CSGALNACT1: variants seen among roughly 807,000 people sequenced by gnomAD.
CSGALNACT1 encodes the protein chondroitin sulfate N-acetylgalactosaminyltransferase 1, also known as beta4GalNAcT-1.
A neutral mutation model predicts 51.0 loss-of-function variants in CSGALNACT1; 52 were observed. The ratio of observed to expected loss-of-function variants is 1.02; its 90% CI spans 0.82 to 1.29. CSGALNACT1 has a LOEUF of 1.29. Ranked by LOEUF, CSGALNACT1 falls within the 50% of genes most tolerant of loss-of-function variation. The probability of loss-of-function intolerance (pLI) is 0.00; values close to 1 mark genes in which losing one functional copy is unlikely to be tolerated. For missense variants in CSGALNACT1, 935 were observed against 679.2 expected, an observed-to-expected ratio of 1.38 and a Z score of -4.19; for synonymous variants, 341 against 254.4, an observed-to-expected ratio of 1.34 and a Z score of -3.24.
chr8:19,457,843 C>G (rs1187116188), intron 5 of CSGALNACT1: 1 of 1,339,948 alleles, frequency 7.5e-7, no homozygotes, highest in Admixed American at 1.9e-5. Context: ...AGCTTAGTCT[C>G]ATTGAGTAGC....
intron 4 of CSGALNACT1, among the ~76,000 whole-genome samples, chr8:19,471,347 G>T (rs1242012459): frequency 6.6e-6 from 1 of 152,114 alleles, no homozygotes; most frequent in Non-Finnish European, 1.5e-5. Flanking sequence ...CAAGTTTAAA[G>T]GTCTCCCTCC....
chr8:19,416,654 C>T (rs2056940815), intron 8 of CSGALNACT1, among the ~76,000 whole-genome samples: 2 of 152,158 alleles, frequency 1.3e-5, no homozygotes, highest in South Asian at 4.1e-4. Flanking sequence ...CATCGTGCTT[C>T]AATTGCCTGT....
exon 1 of CSGALNACT1, chr8:19,682,546 C>T: frequency 2.3e-6 from 1 of 433,940 alleles, no homozygotes; most frequent in Non-Finnish European, 4.7e-6. Flanking sequence ...CCGGTCTTTG[C>T]TGTCAGTACT....
At chr8:19,618,299 A>G (rs527908178) in intron 1 of CSGALNACT1, among the ~76,000 whole-genome samples, 7 of 152,278 alleles carry the variant, frequency 4.6e-5, no homozygotes, top group Middle Eastern at 3.4e-3. Context: ...TATGACACAG[A>G]GGACTATGTA....
chr8:19,551,176 T>C (rs190288135), intron 3 of CSGALNACT1, among the ~76,000 whole-genome samples: 4 of 152,230 alleles, frequency 2.6e-5, no homozygotes, highest in Non-Finnish European at 5.9e-5. Context: ...ACAATTCCCT[T>C]ATTTACAACA....
At chr8:19,581,939 A>T (rs2045670488) in intron 3 of CSGALNACT1, among the ~76,000 whole-genome samples, 1 of 152,352 alleles carries the variant, frequency 6.6e-6, no homozygotes, top group East Asian at 1.9e-4. Flanking sequence ...AAAATTATTC[A>T]TCTTAGTTAA....
chr8:19,508,077 C>T (rs2077717504), intron 3 of CSGALNACT1, among the ~76,000 whole-genome samples: 2 of 152,160 alleles, frequency 1.3e-5, no homozygotes, highest in Admixed American at 1.3e-4. Flanking sequence ...CTCAGAAAGC[C>T]AGATTCTGGG....
intron 1 of CSGALNACT1, among the ~76,000 whole-genome samples, chr8:19,680,568 C>A (rs1399925652): frequency 1.9e-4 from 10 of 51,750 alleles, no homozygotes; most frequent in South Asian, 2.1e-3. Flanking sequence ...CGCCCCACCC[C>A]CCCCCCCCCC....
intron 4 of CSGALNACT1, among the ~76,000 whole-genome samples, chr8:19,476,921 G>T (rs2069832608): frequency 6.6e-6 from 1 of 152,148 alleles, no homozygotes; most frequent in Admixed American, 6.5e-5. Flanking sequence ...TTCCCATGAG[G>T]TCCCGAGCCT....
At chr8:19,611,140 A>C (rs548067172) in intron 1 of CSGALNACT1, among the ~76,000 whole-genome samples, 1 of 152,354 alleles carries the variant, frequency 6.6e-6, no homozygotes, top group South Asian at 2.1e-4. Context: ...TTGCATGAAA[A>C]GCTACAGAAA....
upstream of CSGALNACT1, chr8:19,682,712 G>A (rs1256996330): frequency 2.2e-6 from 1 of 454,068 alleles, no homozygotes; most frequent in East Asian, 7.0e-5. Context: ...GCAATTCGGG[G>A]CCACACCAAT....
At chr8:19,737,934 T>C (rs755691853) in intron 1 of CSGALNACT1, among the ~76,000 whole-genome samples, 15 of 152,206 alleles carry the variant, frequency 9.9e-5, no homozygotes, top group Non-Finnish European at 2.1e-4. Context: ...GAGTTTCAGT[T>C]TGACAATATT....
intron 3 of CSGALNACT1, among the ~76,000 whole-genome samples, chr8:19,576,952 G>C (rs550528589): frequency 6.6e-6 from 1 of 152,046 alleles, no homozygotes; most frequent in East Asian, 1.9e-4. Flanking sequence ...CACACAGCTC[G>C]CTTACCCCCC....
intron 7 of CSGALNACT1, 85 bp from the exon 7 acceptor site, chr8:19,418,835 C>A: frequency 1.1e-6 from 1 of 928,658 alleles, no homozygotes; most frequent in Non-Finnish European, 1.8e-6. Flanking sequence ...TCTGAAACAC[C>A]CCAGATATTT....
Position 19,416,141 on chromosome 8 carries a change from G to C in CSGALNACT1, c.1227+2515C>G, listed in dbSNP as rs1384034525. Among the ~76,000 whole-genome samples the C allele has an allele frequency of 1.5e-5, 2 of 135,414 alleles. 1 individual carries two copies. The allele number at this position is 135,414 out of a possible 152,430, so 88.8% of individuals were successfully genotyped here. A position where few individuals can be genotyped will look rare whatever the true frequency, so the allele number is the denominator to read the frequency against. Reference sequence around the variant, plus strand: ...TTTTTTTTTTTTTTTCTGAGACAGAGTCTTGCTCTGTTGCCCAGGCTGGAG... The same window carrying C: ...TTTTTTTTTTTTTTTCTGAGACAGACTCTTGCTCTGTTGCCCAGGCTGGAG... On this transcript the variant is annotated intron_variant, in intron 8 of 9. Coordinates refer to ENST00000454498, the Ensembl canonical transcript of CSGALNACT1.
chr8:19,492,612 A>C lies in CSGALNACT1; in HGVS notation c.634+12589T>G, dbSNP rs369079994. ...CCCAGTCTGACTTAGATTTTGCCCT[A>C]AAGGCTTTCAGGATAAGGGCATGTT... On this transcript the variant is annotated intron_variant, in intron 4 of 9. Coordinates refer to ENST00000454498, the Ensembl canonical transcript of CSGALNACT1. Among the ~76,000 whole-genome samples the C allele has an allele frequency of 5.8e-4, 89 of 152,308 alleles. 1 individual carries two copies. In the South Asian group the frequency reaches 0.018, roughly 30 times the overall value.
At chr8:19,576,145 T>C (rs889565662) in intron 3 of CSGALNACT1, among the ~76,000 whole-genome samples, 6 of 151,944 alleles carry the variant, frequency 3.9e-5, no homozygotes. Flanking sequence ...GGAGAGGATG[T>C]TTCCCTCAGT....
intron 2 of CSGALNACT1, among the ~76,000 whole-genome samples, chr8:19,591,459 C>A (rs1448154736): frequency 6.6e-6 from 1 of 152,174 alleles, no homozygotes; most frequent in African/African-American, 2.4e-5. Flanking sequence ...CACTTATAGT[C>A]CTTTTTGGGC....
chr8:19,451,332 G>A (rs942683537), intron 5 of CSGALNACT1, among the ~76,000 whole-genome samples: 1 of 152,066 alleles, frequency 6.6e-6, no homozygotes, highest in Non-Finnish European at 1.5e-5. Flanking sequence ...TTTCTAGGTG[G>A]ACCTGTCCCT....
Sources: allele counts gnomAD v4.1 joint callset (sites outside exome capture counted in the v4.1 genomes callset), GRCh38; gene constraint gnomAD v4.1.1; transcripts MANE v1.5; gene names NCBI Gene and HGNC (gene_info 2026-07-23, HGNC 2026-07-21).